PRKCZ: variants seen among roughly 807,000 people sequenced by gnomAD.
PRKCZ encodes the protein protein kinase C zeta.
Under a neutral mutation model 79.5 loss-of-function variants are expected in PRKCZ, and 33 were observed. The observed-to-expected ratio is 0.41, with a 90% CI of 0.31 to 0.55. The LOEUF is 0.55. PRKCZ is among the 20% of genes least tolerant of loss of function. The probability of loss-of-function intolerance (pLI) is 0.19; values close to 1 mark genes in which losing one functional copy is unlikely to be tolerated. For synonymous variants in PRKCZ, 342 were observed against 320.9 expected, an observed-to-expected ratio of 1.07 and a Z score of -0.70; for missense variants, 578 against 813.5, an observed-to-expected ratio of 0.71 and a Z score of 3.52.
chr1:2,136,122 G>A (rs1472453123), intron 5 of PRKCZ, among the ~76,000 whole-genome samples: 1 of 152,160 alleles, frequency 6.6e-6, no homozygotes, highest in Non-Finnish European at 1.5e-5. Context: ...GTGGCCTCAC[G>A]TGTCAACCTC....
Position 2,177,065 on chromosome 1 carries a change from C to T in PRKCZ, c.1575+1752C>T, listed in dbSNP as rs1032524460. Reference sequence around the variant, plus strand: ...TTTGGTTCTAACTGTCAGTCATCCTCACGCCCAGGCCGGGGTTAGAGGTGG... The same window carrying T: ...TTTGGTTCTAACTGTCAGTCATCCTTACGCCCAGGCCGGGGTTAGAGGTGG... On this transcript the variant is annotated intron_variant, in intron 16 of 17. Transcript: ENST00000378567. The surrounding 1 kb of genome is among the most constrained non-coding windows in gnomAD (Gnocchi z 6.4). 3.3e-5 allele frequency among the ~76,000 whole-genome samples: 5 copies of T among 152,240 alleles called. No individual in the cohort carries two copies. The highest frequency in any genetic ancestry group is 1.3e-4 in the Admixed American group (2 of 15,282).
chr1:2,076,747 A>T (rs976141423), intron 4 of PRKCZ, among the ~76,000 whole-genome samples: 2 of 152,068 alleles, frequency 1.3e-5, no homozygotes, highest in Admixed American at 6.6e-5. Flanking sequence ...ATCTTGAAAA[A>T]AAAAAAAAAA....
At chr1:2,103,442 C>T (rs952824605) in intron 4 of PRKCZ, among the ~76,000 whole-genome samples, 10 of 152,216 alleles carry the variant, frequency 6.6e-5, no homozygotes, top group African/African-American at 1.2e-4. Context: ...CGTCCAGTGG[C>T]GCGTGTGCCT....
At position 2,100,592 on chromosome 1, in the gene PRKCZ, C is replaced by T. The variant is rs78289179; in HGVS notation, c.335-34670C>T. On this transcript the variant is annotated intron_variant, in intron 4 of 17. Transcript: ENST00000378567. ...TGCAAGTTTGCACAGAAAGTGGAGC[C>T]CGTCTGTTCCTTCTGGGGTGTGCGA... Among the ~76,000 whole-genome samples, 1,061 of 152,320 alleles carry T rather than the reference C, an allele frequency of 7.0e-3. 16 individuals are homozygous for T. The highest frequency in any genetic ancestry group is 0.024 in the African/African-American group (995 of 41,568).
intron 10 of PRKCZ, among the ~76,000 whole-genome samples, chr1:2,163,183 G>A (rs572367475): frequency 6.6e-6 from 1 of 152,230 alleles, no homozygotes; most frequent in Non-Finnish European, 1.5e-5. Flanking sequence ...CACCGGAAGC[G>A]CAGTGCCATC....
intron 4 of PRKCZ, among the ~76,000 whole-genome samples, chr1:2,095,440 G>A (rs12027639): frequency 6.6e-6 from 1 of 152,096 alleles, no homozygotes; most frequent in Non-Finnish European, 1.5e-5. Context: ...TGGTTGAGTC[G>A]CTGGTGCCCA....
At chr1:2,117,998 C>CTTTTTTTTCT (rs1553152757) in intron 4 of PRKCZ, among the ~76,000 whole-genome samples, 1 of 65,058 alleles carries the variant, frequency 1.5e-5, no homozygotes, top group Admixed American at 2.4e-4. Context: ...CCTATTATTT[C>CTTTTTTTTCT]TTTTTTTTTT....
rs921340938 is a variant in PRKCZ at position 2,094,301 on chromosome 1, T to A, written c.334+34710T>A. Among the ~76,000 whole-genome samples the A allele has an allele frequency of 6.6e-6, 1 of 152,084 alleles. No homozygotes were observed. The highest frequency in any genetic ancestry group is 1.5e-5 in the Non-Finnish European group (1 of 67,994). ...CCCGGCCTGAACTCTTCTCCTACCATGATGGTGCCTGGGATGCTGTGTGGT... is the reference window on the plus strand; with the variant it reads ...CCCGGCCTGAACTCTTCTCCTACCAAGATGGTGCCTGGGATGCTGTGTGGT... On this transcript the variant is annotated intron_variant, in intron 4 of 17. Transcript: ENST00000378567. The surrounding 1 kb of genome is among the most constrained non-coding windows in gnomAD (Gnocchi z 7.3).
At chr1:2,055,678 T>G in intron 2 of PRKCZ, 116 bp downstream of exon 2, 1 of 1,428,528 alleles carries the variant, frequency 7.0e-7, no homozygotes, top group Non-Finnish European at 9.3e-7. Flanking sequence ...GCTGTGGAAT[T>G]AAACTTGTTG....
chr1:2,055,377 T>A, intron 1 of PRKCZ, 64 bp from the exon 2 acceptor site: 1 of 1,525,538 alleles, frequency 6.6e-7, no homozygotes, highest in Non-Finnish European at 8.8e-7. Flanking sequence ...TAGTTGGTAA[T>A]CATTTTTTAA....
chr1:2,153,022 A>G (rs142016497), intron 9 of PRKCZ, among the ~76,000 whole-genome samples: 11 of 152,350 alleles, frequency 7.2e-5, no homozygotes, highest in African/African-American at 1.7e-4. Flanking sequence ...TTGCTGGGTC[A>G]CATGGTAGTT....
rs1470741420 is a variant in PRKCZ, at chr1:2,127,403, A to T, written c.335-7859A>T. Among the ~76,000 whole-genome samples the T allele has an allele frequency of 5.3e-4, 43 of 81,708 alleles. No individual in the cohort carries two copies. In the South Asian group the frequency reaches 0.016, roughly 31 times the overall value. The allele number at this position is 81,708 out of a possible 152,430, so 53.6% of individuals were successfully genotyped here. A position where few individuals can be genotyped will look rare whatever the true frequency, so the allele number is the denominator to read the frequency against. ...GGGCTGCACCTCCACTGCCCCCCCC[A>T]CCGCCGCCCCTGCCCCACGGCCACC... On this transcript the variant is annotated intron_variant, in intron 4 of 17. Transcript: ENST00000378567. The surrounding 1 kb of genome is among the most constrained non-coding windows in gnomAD (Gnocchi z 5.1).
chr1:2,117,399 A>C (rs544107253), intron 4 of PRKCZ, among the ~76,000 whole-genome samples: 13 of 151,566 alleles, frequency 8.6e-5, no homozygotes, highest in African/African-American at 3.1e-4. Flanking sequence ...GTTTATAGCA[A>C]TGTGTAAAGA....
intron 4 of PRKCZ, among the ~76,000 whole-genome samples, chr1:2,087,041 ATTTGT>A (rs1022417156): frequency 1.8e-4 from 27 of 151,838 alleles, no homozygotes; most frequent in African/African-American, 6.5e-4. Flanking sequence ...AGTTGGCTTT[ATTTGT>A]TTCTGTTTGC....
At chr1:2,181,671 A>G (rs1310165071) in intron 16 of PRKCZ, 1 of 352,158 alleles carries the variant, frequency 2.8e-6, no homozygotes, top group Non-Finnish European at 5.6e-6. Context: ...CCCTCGGAGC[A>G]GAGAACGGGC....
Position 2,094,144 on chromosome 1 carries a change from G to A in PRKCZ, c.334+34553G>A, listed in dbSNP as rs1557542792. On this transcript the variant is annotated intron_variant, in intron 4 of 17. Transcript: ENST00000378567. The surrounding 1 kb of genome is among the most constrained non-coding windows in gnomAD (Gnocchi z 7.3). The stretch of plus-strand genomic sequence containing the variant: ...CTTCTGCCTGATGCACAACCTCAGA[G>A]CCCTCCGTCGCCATCCCTCCCCCGT... Among the ~76,000 whole-genome samples, 1 of 152,130 alleles carries A rather than the reference G, an allele frequency of 6.6e-6. No homozygotes were observed. Among genetic ancestry groups the A allele is most frequent in the Non-Finnish European group, 1.5e-5 (1 of 68,028 alleles).
rs997658282 is a variant in PRKCZ at position 2,149,272 on chromosome 1, G to A, written c.687+348G>A. ...AAGTTGTGTCTGCACCATGCCTTCC[G>A]AATTGTGTTGCCTCATTTGGCCATC... On this transcript the variant is annotated intron_variant, in intron 8 of 17. Coordinates refer to ENST00000378567, the MANE Select transcript of PRKCZ (RefSeq NM_002744.6). This position sits in a 1 kb window ranked among gnomAD's most constrained non-coding sequence, Gnocchi z 4.1. 1.3e-5 allele frequency among the ~76,000 whole-genome samples: 2 copies of A among 152,200 alleles called. No individual in the cohort carries two copies. The highest frequency in any genetic ancestry group is 2.1e-4 in the South Asian group (1 of 4,830).
intron 4 of PRKCZ, among the ~76,000 whole-genome samples, chr1:2,119,944 G>A (rs1032777931): frequency 1.1e-4 from 17 of 151,940 alleles, no homozygotes; most frequent in African/African-American, 9.7e-5. Flanking sequence ...GCGCCACCAC[G>A]CCCAGTTGTT....
At chr1:2,048,561 G>T (rs56346003), upstream of PRKCZ, among the ~76,000 whole-genome samples, 1,268 of 152,304 alleles carry the variant, frequency 8.3e-3, 11 homozygotes, top group Non-Finnish European at 0.012. Flanking sequence ...GGGCAGAGGA[G>T]CTGGCCTTCC....
Sources: gnomAD v4.1 joint callset for allele counts (sites outside exome capture counted in the v4.1 genomes callset) on GRCh38, gnomAD v4.1.1 for gene constraint, Gnocchi (gnomAD v3.1) non-coding constraint, MANE v1.5 for transcripts, NCBI Gene and HGNC (gene_info 2026-07-23, HGNC 2026-07-21) for gene names.